The following MACROD1 variants were observed in gnomAD, a reference collection of about 807,000 sequenced individuals.
MACROD1 encodes the protein ADP-ribose glycohydrolase MACROD1.
A neutral mutation model predicts 41.4 loss-of-function variants in MACROD1; 31 were observed. The observed-to-expected ratio is 0.75, with a 90% CI of 0.56 to 1.01. MACROD1 has a LOEUF of 1.01. MACROD1 is among the 50% of genes least tolerant of loss of function. MACROD1 has a pLI of 0.00. For synonymous variants in MACROD1, 252 were observed against 203.4 expected, an observed-to-expected ratio of 1.24 and a Z score of -2.03; for missense variants, 473 against 460.0, an observed-to-expected ratio of 1.03 and a Z score of -0.26.
intron 3 of MACROD1, among the ~76,000 whole-genome samples, chr11:64,055,922 TGCCATGCTGCCTGCAGCCGACAGCC>T: frequency 6.6e-6 from 1 of 152,308 alleles, no homozygotes; most frequent in South Asian, 2.1e-4. Context: ...GAGGGACAGA[TGCCATGCTGCCTGCAGCCGACAGCC>T]GTATCAGCAC....
At chr11:64,087,395 T>C (rs1590888837) in intron 3 of MACROD1, among the ~76,000 whole-genome samples, 1 of 152,176 alleles carries the variant, frequency 6.6e-6, no homozygotes, top group East Asian at 1.9e-4. Flanking sequence ...CACAGGCCGG[T>C]TGTCCCCAGC....
intron 3 of MACROD1, among the ~76,000 whole-genome samples, chr11:64,139,442 C>CG (rs1256838756): frequency 6.6e-6 from 1 of 152,160 alleles, no homozygotes; most frequent in Admixed American, 6.5e-5. Flanking sequence ...CAGGCATGCT[C>CG]GGGCTGCCCC....
chr11:64,158,033 A>G (rs1054289804), intron 1 of MACROD1, among the ~76,000 whole-genome samples: 1 of 152,180 alleles, frequency 6.6e-6, no homozygotes, highest in African/African-American at 2.4e-5. Context: ...CTGCGTCCCC[A>G]AAAGACAGGT....
chr11:63,998,969 T>TG lies in MACROD1; in HGVS notation c.958dup (p.His320ProfsTer28), dbSNP rs1942765277. 6.2e-7 allele frequency: 1 copy of TG among 1,603,502 alleles called. No homozygotes were observed. Among genetic ancestry groups the TG allele is most frequent in the South Asian group, 1.1e-5 (1 of 89,820 alleles). On this transcript the variant is annotated frameshift_variant, in exon 9 of 11. Transcript: ENST00000255681. LOFTEE classifies it high-confidence loss of function. ...GGGGCACGTACCCACGGGGAAGTAG[T>TG]GGGGGAGCCGGCTCCGGTAGATGTC... is the stretch of plus-strand genomic sequence containing the variant.
Position 64,096,768 on chromosome 11 carries a change from G to A in MACROD1, c.517+54471C>T, listed in dbSNP as rs1290021984. On this transcript the variant is annotated intron_variant, in intron 3 of 10. Coordinates refer to ENST00000255681, the MANE Select transcript of MACROD1 (RefSeq NM_014067.4). This position sits in a 1 kb window ranked among gnomAD's most constrained non-coding sequence, Gnocchi z 4.6. ...CTCTGTGAAGGGGCAGGCTCTGGCC[G>A]CAGTGCCCCTCCCTGAGGGGAAGAG... is the stretch of plus-strand genomic sequence containing the variant. 1.3e-5 allele frequency among the ~76,000 whole-genome samples: 2 copies of A among 152,168 alleles called. No homozygotes were observed. The highest frequency in any genetic ancestry group is 2.9e-5 in the Non-Finnish European group (2 of 68,022).
At chr11:64,076,722 G>T (rs1206067228) in intron 3 of MACROD1, among the ~76,000 whole-genome samples, 1 of 152,172 alleles carries the variant, frequency 6.6e-6, no homozygotes, top group Non-Finnish European at 1.5e-5. Flanking sequence ...GGAGCCGGAG[G>T]TTTGATCCAG....
intron 3 of MACROD1, among the ~76,000 whole-genome samples, chr11:64,019,813 A>C (rs1590805787): frequency 6.6e-6 from 1 of 151,408 alleles, no homozygotes; most frequent in Non-Finnish European, 1.5e-5. Context: ...GGATCTACTG[A>C]AGTCTGCAGA....
chr11:64,009,302 G>A (rs1448909809), intron 4 of MACROD1, among the ~76,000 whole-genome samples: 1 of 152,170 alleles, frequency 6.6e-6, no homozygotes, highest in Non-Finnish European at 1.5e-5. Flanking sequence ...AGAGGAGGGG[G>A]CCTGGCAGAC....
chr11:64,112,119 T>C (rs939244984), intron 3 of MACROD1, among the ~76,000 whole-genome samples: 17 of 152,202 alleles, frequency 1.1e-4, no homozygotes, highest in African/African-American at 3.6e-4. Context: ...AGTTTCTCCT[T>C]TGAAATCTTT....
At chr11:64,144,678 A>G (rs1590964896) in intron 3 of MACROD1, among the ~76,000 whole-genome samples, 1 of 152,092 alleles carries the variant, frequency 6.6e-6, no homozygotes, top group African/African-American at 2.4e-5. Context: ...GGCCAGGCCC[A>G]TGTTGCTAAC....
intron 3 of MACROD1, among the ~76,000 whole-genome samples, chr11:64,028,734 G>T (rs1943256253): frequency 6.6e-6 from 1 of 152,088 alleles, no homozygotes; most frequent in African/African-American, 2.4e-5. Context: ...AGCGGCGCTG[G>T]TGCTCCTAGC....
At chr11:64,159,663 G>A (rs551618784) in intron 1 of MACROD1, among the ~76,000 whole-genome samples, 175 of 149,900 alleles carry the variant, frequency 1.2e-3, no homozygotes, top group Admixed American at 4.8e-3. Flanking sequence ...GCATGGGGGC[G>A]CATGCCTGTA....
chr11:64,012,896 C>T (rs1306409585), intron 4 of MACROD1, among the ~76,000 whole-genome samples: 3 of 151,848 alleles, frequency 2.0e-5, no homozygotes, highest in East Asian at 2.0e-4. Flanking sequence ...AGGGCAGTGG[C>T]GCAATCATGG....
At chr11:64,071,801 A>G (rs1016531524) in intron 3 of MACROD1, among the ~76,000 whole-genome samples, 1 of 152,090 alleles carries the variant, frequency 6.6e-6, no homozygotes, top group African/African-American at 2.4e-5. Flanking sequence ...CTAAAGGCCA[A>G]GGGGTAGGGA....
At chr11:64,141,303 G>T (rs113738296) in intron 3 of MACROD1, among the ~76,000 whole-genome samples, 2,636 of 152,344 alleles carry the variant, frequency 0.017, 50 homozygotes, top group South Asian at 0.12. Flanking sequence ...CAGGGTCAGG[G>T]TCTGGAGAGT....
At chr11:64,005,681 A>G (rs905489614) in intron 4 of MACROD1, among the ~76,000 whole-genome samples, 1 of 152,130 alleles carries the variant, frequency 6.6e-6, no homozygotes, top group African/African-American at 2.4e-5. Context: ...TCCCCTTTTT[A>G]CAGATGGGAG....
intron 4 of MACROD1, among the ~76,000 whole-genome samples, chr11:64,013,996 C>A (rs967419035): frequency 3.9e-5 from 6 of 152,154 alleles, no homozygotes; most frequent in African/African-American, 1.4e-4. Flanking sequence ...CCCCCACCCC[C>A]ACACCACAGA....
chr11:64,143,487 A>C (rs570554376), intron 3 of MACROD1, among the ~76,000 whole-genome samples: 1 of 152,134 alleles, frequency 6.6e-6, no homozygotes, highest in South Asian at 2.1e-4. Context: ...CGGGGACTTG[A>C]GGGGGCTTGG....
At chr11:64,106,334 TCTCTA>T (rs1944763537) in intron 3 of MACROD1, among the ~76,000 whole-genome samples, 1 of 152,118 alleles carries the variant, frequency 6.6e-6, no homozygotes, top group Admixed American at 6.5e-5. Context: ...GCCTCCCTCT[TCTCTA>T]CCACCCAGCC....
Sources: gnomAD v4.1 joint callset for allele counts (sites outside exome capture counted in the v4.1 genomes callset) on GRCh38, gnomAD v4.1.1 for gene constraint, Gnocchi (gnomAD v3.1) non-coding constraint, MANE v1.5 for transcripts, NCBI Gene and HGNC (gene_info 2026-07-23, HGNC 2026-07-21) for gene names.